The following GPC5 variants were observed in gnomAD, a reference collection of about 807,000 sequenced individuals.
GPC5 encodes the protein glypican-5.
A neutral mutation model predicts 53.9 loss-of-function variants in GPC5; 47 were observed. The ratio of observed to expected loss-of-function variants is 0.87; its 90% confidence interval spans 0.69 to 1.11. The LOEUF (loss-of-function observed/expected upper bound fraction) is 1.11, where lower values mean the gene tolerates loss of function less well. GPC5 is among the 50% of genes most tolerant of loss of function. The pLI, the probability that GPC5 is intolerant of heterozygous loss-of-function variation, is 0.00. For missense variants in GPC5, 748 were observed against 713.1 expected, an observed-to-expected ratio of 1.05 and a Z score of -0.56; for synonymous variants, 286 against 263.3, an observed-to-expected ratio of 1.09 and a Z score of -0.84.
rs1371133312 is a variant in GPC5, at chr13:92,118,308, G to T, written c.1402-26522G>T. Among the ~76,000 whole-genome samples the T allele has an allele frequency of 2.6e-5, 4 of 152,128 alleles. No individual in the cohort carries two copies. In the East Asian group the frequency reaches 7.7e-4, roughly 29 times the overall value. On this transcript the variant is annotated intron_variant, in intron 6 of 7. Coordinates refer to ENST00000377067, the MANE Select transcript of GPC5 (RefSeq NM_004466.6). ...CTTGCATTCGTGGTATAAATCACTTGTTTGTAAAGTATTTTTTAAAATATT... is the reference window on the plus strand; with the variant it reads ...CTTGCATTCGTGGTATAAATCACTTTTTTGTAAAGTATTTTTTAAAATATT...
chr13:92,747,002 A>G (rs1180981783), intron 7 of GPC5, among the ~76,000 whole-genome samples: 3 of 152,156 alleles, frequency 2.0e-5, no homozygotes, highest in East Asian at 1.9e-4. Flanking sequence ...ACTACATTAC[A>G]TAGCGCAGGC....
Position 91,448,823 on chromosome 13 carries a change from A to C in GPC5, c.226A>C (p.Arg76=), listed in dbSNP as rs1880979581. The change falls in exon 2 of 8, where the codon AGA becomes CGA. Residue 76 remains arginine, a synonymous_variant. Coordinates refer to ENST00000377067, the MANE Select transcript of GPC5 (RefSeq NM_004466.6). ...PTCCTRKMEE[R]YQIAARQDMQ... ...ATGTTGCACCAGGAAGATGGAGGAGAGATATCAGATTGCGGCTCGCCAGGA... is the reference window on the plus strand; with the variant it reads ...ATGTTGCACCAGGAAGATGGAGGAGCGATATCAGATTGCGGCTCGCCAGGA... The C allele has an allele frequency of 6.2e-7, 1 of 1,613,692 alleles. No homozygotes were observed. The highest frequency in any genetic ancestry group is 1.7e-5 in the Admixed American group (1 of 59,948).
At chr13:92,035,077 T>C (rs2040881818) in intron 6 of GPC5, among the ~76,000 whole-genome samples, 1 of 152,124 alleles carries the variant, frequency 6.6e-6, no homozygotes, top group Middle Eastern at 3.2e-3. Context: ...TTTTGTGTTG[T>C]GATGGCAGGC....
At chr13:91,485,368 A>C (rs556351150) in intron 2 of GPC5, among the ~76,000 whole-genome samples, 1 of 152,094 alleles carries the variant, frequency 6.6e-6, no homozygotes, top group Non-Finnish European at 1.5e-5. Context: ...GCATACCACC[A>C]TGCCCAGCTA....
At chr13:91,714,643 T>A (rs2036296826) in intron 3 of GPC5, among the ~76,000 whole-genome samples, 1 of 152,094 alleles carries the variant, frequency 6.6e-6, no homozygotes, top group South Asian at 2.1e-4. Flanking sequence ...GAATGTGTAA[T>A]GATTTGCTGT....
intron 6 of GPC5, among the ~76,000 whole-genome samples, chr13:92,086,593 G>A (rs2041337288): frequency 6.6e-6 from 1 of 151,122 alleles, no homozygotes; most frequent in South Asian, 2.1e-4. Flanking sequence ...TTGATCTCCT[G>A]TAGAACACTT....
chr13:91,556,061 T>C (rs2030929460), intron 2 of GPC5, among the ~76,000 whole-genome samples: 2 of 139,314 alleles, frequency 1.4e-5, no homozygotes, highest in Non-Finnish European at 3.1e-5. Context: ...TGCCCTTTCA[T>C]AGCCATACCC....
At chr13:91,739,108 A>T (rs1001504087) in intron 4 of GPC5, among the ~76,000 whole-genome samples, 11 of 151,606 alleles carry the variant, frequency 7.3e-5, no homozygotes. Flanking sequence ...GCCAATTAAC[A>T]TTTTAAAAAT....
chr13:92,299,685 A>T (rs957264193), intron 7 of GPC5, among the ~76,000 whole-genome samples: 1 of 152,192 alleles, frequency 6.6e-6, no homozygotes, highest in African/African-American at 2.4e-5. Flanking sequence ...AAGTAAAAGG[A>T]TTACTATTCT....
At chr13:92,159,015 G>A (rs191215306) in intron 7 of GPC5, among the ~76,000 whole-genome samples, 2 of 152,222 alleles carry the variant, frequency 1.3e-5, no homozygotes, top group African/African-American at 4.8e-5. Flanking sequence ...CATGTTCTAT[G>A]ATTCTGAAGG....
chr13:92,496,926 G>A (rs1317443766), intron 7 of GPC5, among the ~76,000 whole-genome samples: 2 of 152,148 alleles, frequency 1.3e-5, no homozygotes, highest in Admixed American at 1.3e-4. Flanking sequence ...ATAGGGCAGA[G>A]TGACAGAGTG....
chr13:91,939,545 T>C (rs1359129461), intron 6 of GPC5, among the ~76,000 whole-genome samples: 1 of 152,164 alleles, frequency 6.6e-6, no homozygotes, highest in African/African-American at 2.4e-5. Context: ...AGCTCTTGAC[T>C]TACATGTGTA....
intron 7 of GPC5, among the ~76,000 whole-genome samples, chr13:92,419,945 T>G (rs1326862594): frequency 6.6e-6 from 1 of 152,180 alleles, no homozygotes. Flanking sequence ...AGCCCTACCT[T>G]TGACCTGCTG....
intron 5 of GPC5, among the ~76,000 whole-genome samples, chr13:91,882,646 GT>G (rs1265917614): frequency 9.6e-6 from 1 of 103,864 alleles, no homozygotes. Context: ...TTCAGCTGAG[GT>G]TTTTTGTTTG....
At chr13:92,777,382 C>G (rs1372808015) in intron 7 of GPC5, among the ~76,000 whole-genome samples, 1 of 147,452 alleles carries the variant, frequency 6.8e-6, no homozygotes, top group South Asian at 2.1e-4. Context: ...TGCCTGTAAT[C>G]CCAGTACTTT....
intron 7 of GPC5, among the ~76,000 whole-genome samples, chr13:92,515,251 C>A (rs1177576880): frequency 6.6e-6 from 1 of 152,108 alleles, no homozygotes; most frequent in Non-Finnish European, 1.5e-5. Context: ...ATAATCCTTA[C>A]CCCCAAAGAA....
chr13:91,635,449 C>T (rs1308335783), intron 2 of GPC5, among the ~76,000 whole-genome samples: 1 of 152,112 alleles, frequency 6.6e-6, no homozygotes, highest in East Asian at 1.9e-4. Context: ...TATGAATGTG[C>T]TGGTTCATTT....
chr13:92,513,368 A>G (rs561264774), intron 7 of GPC5, among the ~76,000 whole-genome samples: 1 of 152,302 alleles, frequency 6.6e-6, no homozygotes, highest in Non-Finnish European at 1.5e-5. Flanking sequence ...TGAAAGTATT[A>G]TGAATTAATT....
intron 2 of GPC5, among the ~76,000 whole-genome samples, chr13:91,627,941 A>G (rs1469924017): frequency 2.0e-5 from 3 of 152,152 alleles, no homozygotes; most frequent in Non-Finnish European, 4.4e-5. Flanking sequence ...ATCTCTATAT[A>G]AGGGAAACTG....
Sources: gnomAD v4.1 joint callset for allele counts (sites outside exome capture counted in the v4.1 genomes callset) on GRCh38, gnomAD v4.1.1 for gene constraint, MANE v1.5 for transcripts, NCBI Gene and HGNC (gene_info 2026-07-23, HGNC 2026-07-21) for gene names.